Variants in NAV3 observed in about 807,000 individuals in gnomAD.
The protein encoded by NAV3 is pore membrane and/or filament interacting like protein 1.
NAV3 carries 87 observed loss-of-function variants against 244.7 expected under a neutral mutation model. That is an observed-to-expected ratio of 0.36 (90% CI 0.30 to 0.42). The LOEUF is 0.42. NAV3 is among the 20% of genes least tolerant of loss of function. NAV3 has a pLI of 1.00. For missense variants in NAV3, 2,663 were observed against 2,893.3 expected, an observed-to-expected ratio of 0.92 and a Z score of 1.83; for synonymous variants, 1,126 against 1,042.2, an observed-to-expected ratio of 1.08 and a Z score of -1.55.
intron 19 of NAV3, among the ~76,000 whole-genome samples, chr12:78,137,669 A>C (rs1333863066): frequency 1.3e-5 from 2 of 152,202 alleles, no homozygotes; most frequent in Non-Finnish European, 2.9e-5. Flanking sequence ...ATATCAGAGC[A>C]AATGTTTTGT....
chr12:77,799,930 G>A (rs568594896), intron 2 of NAV3, among the ~76,000 whole-genome samples: 1 of 152,036 alleles, frequency 6.6e-6, no homozygotes, highest in South Asian at 2.1e-4. Context: ...TGATTCCCCA[G>A]AATCTCAACA....
At chr12:77,804,426 G>T (rs2135980476) in intron 2 of NAV3, among the ~76,000 whole-genome samples, 1 of 152,202 alleles carries the variant, frequency 6.6e-6, no homozygotes, top group East Asian at 1.9e-4. Context: ...ATTAAATAAG[G>T]AATCATTTCC....
At chr12:78,168,626 C>T (rs919638138) in intron 23 of NAV3, 129 bp from the exon 24 acceptor site, 3 of 586,510 alleles carry the variant, frequency 5.1e-6, no homozygotes, top group Admixed American at 3.3e-5. Flanking sequence ...TTGACAAGTT[C>T]AGCTAAGCAT....
intron 2 of NAV3, among the ~76,000 whole-genome samples, chr12:77,629,517 T>A (rs1196554858): frequency 6.6e-6 from 1 of 152,208 alleles, no homozygotes; most frequent in Non-Finnish European, 1.5e-5. Context: ...TGTAAAGTTT[T>A]GGGTAATATA....
intron 2 of NAV3, among the ~76,000 whole-genome samples, chr12:77,718,119 G>T (rs1876444547): frequency 1.3e-5 from 2 of 152,044 alleles, no homozygotes; most frequent in African/African-American, 4.8e-5. Context: ...TGTATCTTAT[G>T]CTTTTTGTGT....
intron 31 of NAV3, 69 bp from the exon 32 acceptor site, chr12:78,188,179 A>T: frequency 8.6e-7 from 1 of 1,163,054 alleles, no homozygotes; most frequent in Non-Finnish European, 1.3e-6. Flanking sequence ...AACTAATTTT[A>T]GTAGAAAATG....
chr12:78,078,586 G>A (rs1953186815), intron 12 of NAV3, among the ~76,000 whole-genome samples: 1 of 151,236 alleles, frequency 6.6e-6, no homozygotes, highest in Admixed American at 6.6e-5. Flanking sequence ...TAGTAGAGAC[G>A]GGGTTTCACC....
At chr12:77,593,715 C>G (rs777578477) in intron 2 of NAV3, among the ~76,000 whole-genome samples, 2 of 149,732 alleles carry the variant, frequency 1.3e-5, no homozygotes, top group Non-Finnish European at 3.0e-5. Context: ...ACCTCGTGAT[C>G]TGCCTGCCTT....
At chr12:77,898,576 T>C (rs1884902236) in intron 1 of NAV3, among the ~76,000 whole-genome samples, 1 of 152,244 alleles carries the variant, frequency 6.6e-6, no homozygotes, top group Admixed American at 6.5e-5. Flanking sequence ...AGGCAAAGTA[T>C]GTGATCAGTG....
chr12:78,126,716 T>C (rs544970564), intron 16 of NAV3, among the ~76,000 whole-genome samples: 3 of 152,294 alleles, frequency 2.0e-5, no homozygotes, highest in South Asian at 2.1e-4. Flanking sequence ...TTATTAAAAA[T>C]AATTTGAAGA....
At chr12:77,719,394 C>G (rs1876509542) in intron 2 of NAV3, among the ~76,000 whole-genome samples, 1 of 149,342 alleles carries the variant, frequency 6.7e-6, no homozygotes, top group Non-Finnish European at 1.5e-5. Flanking sequence ...TAAGGCAAAT[C>G]TTTCAGAGTT....
intron 1 of NAV3, among the ~76,000 whole-genome samples, chr12:77,931,498 C>T (rs1309458280): frequency 1.3e-5 from 2 of 152,004 alleles, no homozygotes; most frequent in Non-Finnish European, 2.9e-5. Flanking sequence ...TTGGTATCTC[C>T]ATTTTATTTC....
At chr12:78,008,775 A>C (rs962202125) in intron 8 of NAV3, among the ~76,000 whole-genome samples, 4 of 152,174 alleles carry the variant, frequency 2.6e-5, no homozygotes, top group Non-Finnish European at 5.9e-5. Context: ...GAATGTTGCT[A>C]TTCTGACTTC....
At chr12:77,803,509 T>G (rs1871822638) in intron 2 of NAV3, among the ~76,000 whole-genome samples, 1 of 152,214 alleles carries the variant, frequency 6.6e-6, no homozygotes, top group Non-Finnish European at 1.5e-5. Flanking sequence ...GGCCACATTT[T>G]CTTTATCCAG....
chr12:78,194,674 C>T (rs754797397), intron 34 of NAV3, among the ~76,000 whole-genome samples: 1 of 152,042 alleles, frequency 6.6e-6, no homozygotes, highest in Non-Finnish European at 1.5e-5. Context: ...AGATGTCCAG[C>T]GATCTTACTA....
At chr12:78,004,179 C>T (rs1256424453) in intron 7 of NAV3, among the ~76,000 whole-genome samples, 1 of 152,146 alleles carries the variant, frequency 6.6e-6, no homozygotes, top group African/African-American at 2.4e-5. Context: ...TTCATTTTCT[C>T]ATTTTTAACA....
chr12:77,754,605 A>T (rs532668561), intron 2 of NAV3, among the ~76,000 whole-genome samples: 1 of 152,206 alleles, frequency 6.6e-6, no homozygotes, highest in Non-Finnish European at 1.5e-5. Context: ...TGCAGAAAAC[A>T]TGTTTCTTAA....
intron 1 of NAV3, among the ~76,000 whole-genome samples, chr12:77,859,087 C>A (rs561324733): frequency 6.6e-6 from 1 of 152,026 alleles, no homozygotes; most frequent in Non-Finnish European, 1.5e-5. Flanking sequence ...AAGTGTATGT[C>A]ATTCACAATA....
At chr12:77,888,891 A>G (rs1883614075) in intron 1 of NAV3, among the ~76,000 whole-genome samples, 1 of 152,026 alleles carries the variant, frequency 6.6e-6, no homozygotes, top group South Asian at 2.1e-4. Flanking sequence ...CTCAGGGGGA[A>G]CTCCATCTTG....
Sources: allele counts gnomAD v4.1 joint callset (sites outside exome capture counted in the v4.1 genomes callset), GRCh38; gene constraint gnomAD v4.1.1; transcripts MANE v1.5; gene names NCBI Gene and HGNC (gene_info 2026-07-23, HGNC 2026-07-21).